Variants in LDLRAD4 observed in about 807,000 individuals in gnomAD.
LDLRAD4 encodes low-density lipoprotein receptor class A domain-containing protein 4.
A neutral mutation model predicts 17.0 loss-of-function variants in LDLRAD4; 5 were observed. The observed-to-expected ratio is 0.29, with a 90% CI of 0.15 to 0.62. The LOEUF (loss-of-function observed/expected upper bound fraction) is 0.62. Among genes scored for constraint, LDLRAD4 ranks in the 20% least tolerant of loss-of-function variants. The pLI is 0.84. For missense variants in LDLRAD4, 340 were observed against 424.7 expected, an observed-to-expected ratio of 0.80 and a Z score of 1.75; for synonymous variants, 168 against 171.8, an observed-to-expected ratio of 0.98 and a Z score of 0.17.
At chr18:13,371,907 A>G (rs1315034424) in intron 1 of LDLRAD4, among the ~76,000 whole-genome samples, 3 of 152,224 alleles carry the variant, frequency 2.0e-5, no homozygotes, top group African/African-American at 7.2e-5. Flanking sequence ...TTCCTTAAAT[A>G]GCAAGAGTTT....
chr18:13,437,052 C>T (rs1160595523), intron 2 of LDLRAD4, among the ~76,000 whole-genome samples: 1 of 152,244 alleles, frequency 6.6e-6, no homozygotes, highest in Non-Finnish European at 1.5e-5. Flanking sequence ...AGGCTGGGCT[C>T]TCATGGGGTA....
At chr18:13,396,013 C>T (rs1050380197) in intron 2 of LDLRAD4, among the ~76,000 whole-genome samples, 1 of 152,096 alleles carries the variant, frequency 6.6e-6, no homozygotes, top group Non-Finnish European at 1.5e-5. Context: ...TCCCGGGTCT[C>T]TGTGTTTTTT....
chr18:13,348,381 A>T (rs1028991741), intron 1 of LDLRAD4, among the ~76,000 whole-genome samples: 4 of 152,176 alleles, frequency 2.6e-5, no homozygotes, highest in Non-Finnish European at 4.4e-5. Flanking sequence ...AGGCTGCAGA[A>T]CAGTGAATAT....
At chr18:13,268,025 T>A (rs2044319143) in intron 1 of LDLRAD4, among the ~76,000 whole-genome samples, 1 of 152,194 alleles carries the variant, frequency 6.6e-6, no homozygotes, top group Non-Finnish European at 1.5e-5. Flanking sequence ...CCAGTGCACC[T>A]GGCTTGACAC....
At chr18:13,288,936 G>C (rs2045809535) in intron 1 of LDLRAD4, among the ~76,000 whole-genome samples, 1 of 152,236 alleles carries the variant, frequency 6.6e-6, no homozygotes, top group East Asian at 1.9e-4. Flanking sequence ...ACACCACCTA[G>C]GAAAGAAATG....
chr18:13,495,012 C>T (rs2093438327), intron 3 of LDLRAD4, among the ~76,000 whole-genome samples: 1 of 151,980 alleles, frequency 6.6e-6, no homozygotes, highest in Non-Finnish European at 1.5e-5. Flanking sequence ...GTTAGGGTGG[C>T]CCTTAAGGTC....
chr18:13,568,023 A>T (rs182612542), intron 3 of LDLRAD4, among the ~76,000 whole-genome samples: 52 of 146,280 alleles, frequency 3.6e-4, no homozygotes, highest in African/African-American at 1.3e-3. Context: ...TGTGGCTCAC[A>T]CCTGTAATCC....
chr18:13,219,776 CTG>C (rs1473608051), intron 1 of LDLRAD4, among the ~76,000 whole-genome samples: 1 of 152,242 alleles, frequency 6.6e-6, no homozygotes, highest in Non-Finnish European at 1.5e-5. Flanking sequence ...ATCCTCCTCT[CTG>C]TATCTTCCCT....
At chr18:13,352,659 T>G (rs1250866515) in intron 1 of LDLRAD4, among the ~76,000 whole-genome samples, 2 of 152,204 alleles carry the variant, frequency 1.3e-5, no homozygotes, top group African/African-American at 4.8e-5. Flanking sequence ...CTATTATTCC[T>G]TCAAATAATA....
At chr18:13,278,062 A>G (rs1348899254), upstream of LDLRAD4, 6 of 152,334 alleles carry the variant, frequency 3.9e-5, no homozygotes, top group African/African-American at 7.2e-5. Flanking sequence ...GGGACACACA[A>G]AAAGAAACAT....
chr18:13,389,279 A>G (rs562169173), intron 2 of LDLRAD4, among the ~76,000 whole-genome samples: 2 of 148,602 alleles, frequency 1.3e-5, no homozygotes, highest in South Asian at 2.2e-4. Flanking sequence ...CAGCTCCCTC[A>G]TGGATACTCC....
At chr18:13,336,049 T>G (rs1344989029) in intron 1 of LDLRAD4, among the ~76,000 whole-genome samples, 2 of 152,084 alleles carry the variant, frequency 1.3e-5, no homozygotes, top group Non-Finnish European at 2.9e-5. Context: ...AAAAGCATAG[T>G]GGAGCTGGCG....
chr18:13,521,288 A>C (rs2093949619), intron 3 of LDLRAD4: 1 of 152,144 alleles, frequency 6.6e-6, no homozygotes, highest in African/African-American at 2.4e-5. Context: ...TTGTTTGCAA[A>C]ATTTGGTTGA....
chr18:13,428,480 A>G (rs2090103466), intron 2 of LDLRAD4, among the ~76,000 whole-genome samples: 1 of 152,160 alleles, frequency 6.6e-6, no homozygotes, highest in East Asian at 1.9e-4. Context: ...CAAGTTCATT[A>G]TGAGGACTTG....
chr18:13,539,037 T>G (rs1159212343), intron 3 of LDLRAD4, among the ~76,000 whole-genome samples: 1 of 152,224 alleles, frequency 6.6e-6, no homozygotes, highest in Non-Finnish European at 1.5e-5. Context: ...AACTTTTGAT[T>G]TTGGCTTTAA....
At chr18:13,589,362 C>T (rs1483108754) in intron 3 of LDLRAD4, among the ~76,000 whole-genome samples, 1 of 152,190 alleles carries the variant, frequency 6.6e-6, no homozygotes, top group Non-Finnish European at 1.5e-5. Context: ...GTACATGGGG[C>T]CCCATGGCAC....
chr18:13,275,749 A>T (rs959366758), upstream of LDLRAD4, among the ~76,000 whole-genome samples: 1 of 147,348 alleles, frequency 6.8e-6, no homozygotes, highest in African/African-American at 2.5e-5. Context: ...TATACCTACT[A>T]TGTGCACACA....
chr18:13,608,834 A>C (rs1412034987), intron 3 of LDLRAD4, among the ~76,000 whole-genome samples: 1 of 152,186 alleles, frequency 6.6e-6, no homozygotes, highest in African/African-American at 2.4e-5. Flanking sequence ...GCTCAGGTAA[A>C]TATTTGTCAG....
intron 3 of LDLRAD4, among the ~76,000 whole-genome samples, chr18:13,442,484 A>G (rs1272003897): frequency 1.3e-5 from 2 of 152,152 alleles, no homozygotes; most frequent in Admixed American, 6.5e-5. Flanking sequence ...CTGTCTTGGG[A>G]CAGAAGGACA....
Sources: allele counts gnomAD v4.1 joint callset (sites outside exome capture counted in the v4.1 genomes callset), GRCh38; gene constraint gnomAD v4.1.1; transcripts MANE v1.5; gene names NCBI Gene and HGNC (gene_info 2026-07-23, HGNC 2026-07-21).